Variants in SIPA1L1 observed in about 807,000 individuals in gnomAD.
SIPA1L1 encodes signal-induced proliferation-associated 1-like protein 1.
A neutral mutation model predicts 162.7 loss-of-function variants in SIPA1L1; 26 were observed. That is an observed-to-expected ratio of 0.16 (90% CI 0.12 to 0.22). SIPA1L1 has a LOEUF of 0.22. SIPA1L1 is among the 10% of genes least tolerant of loss of function. The pLI, the probability that SIPA1L1 is intolerant of heterozygous loss-of-function variation, is 1.00. For synonymous variants in SIPA1L1, 829 were observed against 837.4 expected, an observed-to-expected ratio of 0.99 and a Z score of 0.17; for missense variants, 1,874 against 2,241.0, an observed-to-expected ratio of 0.84 and a Z score of 3.31.
intron 5 of SIPA1L1, among the ~76,000 whole-genome samples, chr14:71,600,360 TC>T (rs2036587491): frequency 1.3e-5 from 2 of 152,172 alleles, no homozygotes; most frequent in Admixed American, 1.3e-4. Flanking sequence ...GGGTGTCCTT[TC>T]CCCATTGTGT....
intron 4 of SIPA1L1, among the ~76,000 whole-genome samples, chr14:71,548,295 T>C (rs1954084803): frequency 6.6e-6 from 1 of 152,206 alleles, no homozygotes; most frequent in Non-Finnish European, 1.5e-5. Flanking sequence ...AACTCAACTG[T>C]GTAATGAAGT....
intron 2 of SIPA1L1, among the ~76,000 whole-genome samples, chr14:71,431,407 C>T (rs576778799): frequency 5.3e-5 from 8 of 152,180 alleles, no homozygotes; most frequent in African/African-American, 1.9e-4. Context: ...TAAAAGATTA[C>T]ATGAGGCTGG....
At chr14:71,390,652 G>C (rs2040671830) in intron 2 of SIPA1L1, among the ~76,000 whole-genome samples, 1 of 152,100 alleles carries the variant, frequency 6.6e-6, no homozygotes, top group African/African-American at 2.4e-5. Context: ...GTGCATGATG[G>C]CATGTGCCTG....
chr14:71,482,700 G>C (rs1009546190), intron 2 of SIPA1L1, among the ~76,000 whole-genome samples: 2 of 152,156 alleles, frequency 1.3e-5, no homozygotes, highest in African/African-American at 4.8e-5. Context: ...AACCTCTTAA[G>C]CTTTCTGAAT....
chr14:71,440,250 C>T (rs1018289411), intron 2 of SIPA1L1, among the ~76,000 whole-genome samples: 11 of 152,064 alleles, frequency 7.2e-5, no homozygotes, highest in Non-Finnish European at 1.3e-4. Context: ...TGGTCTTGAA[C>T]TCCTGAGCTC....
chr14:71,384,563 G>C (rs1243785996), intron 2 of SIPA1L1, among the ~76,000 whole-genome samples: 1 of 152,172 alleles, frequency 6.6e-6, no homozygotes, highest in East Asian at 1.9e-4. Flanking sequence ...CAAAAGCCTT[G>C]ATTTGTTTGT....
intron 2 of SIPA1L1, chr14:71,330,285 A>G: frequency 1.4e-6 from 1 of 728,702 alleles, no homozygotes; most frequent in Non-Finnish European, 2.6e-6. Flanking sequence ...CCTGAAGTCT[A>G]GTTAGCATGT....
intron 2 of SIPA1L1, among the ~76,000 whole-genome samples, chr14:71,350,407 C>A (rs749909416): frequency 6.6e-6 from 1 of 151,974 alleles, no homozygotes; most frequent in Non-Finnish European, 1.5e-5. Context: ...GACTCTTTCT[C>A]AAGACAAAAC....
chr14:71,332,716 T>C (rs1042028194), intron 2 of SIPA1L1, among the ~76,000 whole-genome samples: 6 of 152,102 alleles, frequency 3.9e-5, no homozygotes, highest in Non-Finnish European at 5.9e-5. Context: ...CTTTGAAGAG[T>C]CATATAACCC....
At chr14:71,438,551 A>G (rs1472047727) in intron 2 of SIPA1L1, among the ~76,000 whole-genome samples, 2 of 152,230 alleles carry the variant, frequency 1.3e-5, no homozygotes, top group South Asian at 2.1e-4. Flanking sequence ...TTCATTCCAG[A>G]GGATTCAACA....
intron 2 of SIPA1L1, among the ~76,000 whole-genome samples, chr14:71,432,440 T>C (rs1483479104): frequency 6.6e-6 from 1 of 152,180 alleles, no homozygotes; most frequent in Non-Finnish European, 1.5e-5. Flanking sequence ...AGGCACAACC[T>C]TCTCTAGAAT....
chr14:71,590,035 AAAAAAAAAAATATAT>A lies in SIPA1L1; in HGVS notation c.1498+667_1498+681del, dbSNP rs1375543632. ...GAGTGGGAGAGTAAAAAAAAAAAAAAAAAAAAAAAATATATATATATATATATATATATATATATA... is the reference window on the plus strand; with the variant it reads ...GAGTGGGAGAGTAAAAAAAAAAAAAAATATATATATATATATATATATATA... On this transcript the variant is annotated intron_variant, in intron 5 of 23. Transcript: ENST00000381232. 7.6e-4 allele frequency among the ~76,000 whole-genome samples: 65 copies of A among 85,288 alleles called. No homozygotes were observed. In the East Asian group the frequency reaches 0.014, roughly 18 times the overall value. The allele number at this position is 85,288 out of a possible 152,430, so 56.0% of individuals were successfully genotyped here. A position where few individuals can be genotyped will look rare whatever the true frequency, so the allele number is the denominator to read the frequency against.
chr14:71,616,352 A>T (rs958911745), intron 5 of SIPA1L1, among the ~76,000 whole-genome samples: 18 of 152,230 alleles, frequency 1.2e-4, no homozygotes, highest in Non-Finnish European at 1.6e-4. Flanking sequence ...TGGAAGTCAG[A>T]TGATAATTCT....
At chr14:71,480,803 A>T (rs1183775530) in intron 2 of SIPA1L1, among the ~76,000 whole-genome samples, 1 of 152,108 alleles carries the variant, frequency 6.6e-6, no homozygotes, top group African/African-American at 2.4e-5. Context: ...AGGTCATTTT[A>T]TCTTGGCTGA....
chr14:71,366,524 C>G (rs41224), intron 2 of SIPA1L1, among the ~76,000 whole-genome samples: 73,289 of 152,052 alleles, frequency 0.48, 18,274 homozygotes, highest in Admixed American at 0.54. Context: ...AACTCCGTCT[C>G]CTGGGTTCAC....
At chr14:71,420,238 G>T (rs1229512298) in intron 2 of SIPA1L1, among the ~76,000 whole-genome samples, 2 of 152,152 alleles carry the variant, frequency 1.3e-5, no homozygotes, top group Non-Finnish European at 2.9e-5. Context: ...TTCTAGAGGA[G>T]AATTAGACAT....
intron 2 of SIPA1L1, among the ~76,000 whole-genome samples, chr14:71,494,522 T>G (rs1286690126): frequency 1.3e-5 from 2 of 150,548 alleles, no homozygotes; most frequent in Non-Finnish European, 3.0e-5. Context: ...TCTTTTCTTT[T>G]CTTTTTTTTT....
At chr14:71,409,325 TG>T (rs890367199) in intron 2 of SIPA1L1, among the ~76,000 whole-genome samples, 5 of 152,078 alleles carry the variant, frequency 3.3e-5, no homozygotes, top group African/African-American at 1.2e-4. Context: ...TAGAGTAGAG[TG>T]GTTTTTGTCT....
At chr14:71,671,901 CTGTG>C (rs34919280) in intron 11 of SIPA1L1, among the ~76,000 whole-genome samples, 69,678 of 142,374 alleles carry the variant, frequency 0.49, 16,960 homozygotes, top group Admixed American at 0.58. Flanking sequence ...CACATTTACT[CTGTG>C]TGTGTGTGTG....
Sources: allele counts gnomAD v4.1 joint callset (sites outside exome capture counted in the v4.1 genomes callset), GRCh38; gene constraint gnomAD v4.1.1; transcripts MANE v1.5; gene names NCBI Gene and HGNC (gene_info 2026-07-23, HGNC 2026-07-21).